Variants in WWOX observed in about 807,000 individuals in gnomAD.
WWOX encodes the protein WW domain containing oxidoreductase.
In WWOX, 69 loss-of-function variants were observed where a neutral mutation model predicts 46.2. That is an observed-to-expected ratio of 1.49 (90% CI 1.23 to 1.82). The LOEUF (loss-of-function observed/expected upper bound fraction) is 1.82. WWOX is among the 40% of genes most tolerant of loss of function. The probability of loss-of-function intolerance (pLI) is 0.00; values close to 1 mark genes in which losing one functional copy is unlikely to be tolerated. For missense variants in WWOX, 919 were observed against 542.6 expected (o/e 1.69, Z -6.89); for synonymous variants, 359 against 202.6 (o/e 1.77, Z -6.56).
At chr16:79,199,624 C>T (rs1358972997) in intron 8 of WWOX, among the ~76,000 whole-genome samples, 2 of 152,130 alleles carry the variant, frequency 1.3e-5, no homozygotes, top group African/African-American at 2.4e-5. Context: ...AATTCTCCAC[C>T]TTGCCACCTA....
At chr16:78,659,683 C>T (rs1197897945) in intron 8 of WWOX, among the ~76,000 whole-genome samples, 1 of 152,128 alleles carries the variant, frequency 6.6e-6, no homozygotes, top group Non-Finnish European at 1.5e-5. Flanking sequence ...TCTAAAGGAG[C>T]CTTTTCCTTC....
At chr16:78,508,607 A>C (rs894845518) in intron 8 of WWOX, among the ~76,000 whole-genome samples, 1 of 152,158 alleles carries the variant, frequency 6.6e-6, no homozygotes, top group Non-Finnish European at 1.5e-5. Context: ...AATTACAGCA[A>C]ATGATTCAGA....
At chr16:79,055,506 T>A (rs542069236) in intron 8 of WWOX, among the ~76,000 whole-genome samples, 3 of 152,064 alleles carry the variant, frequency 2.0e-5, no homozygotes, top group Non-Finnish European at 4.4e-5. Flanking sequence ...ATGGCCAACC[T>A]CCATCCATTG....
chr16:78,829,179 G>A (rs2051745146), intron 8 of WWOX, among the ~76,000 whole-genome samples: 1 of 152,178 alleles, frequency 6.6e-6, no homozygotes, highest in South Asian at 2.1e-4. Context: ...CAGATGGACA[G>A]ATAGAGATTT....
intron 8 of WWOX, among the ~76,000 whole-genome samples, chr16:79,009,887 A>T (rs986079986): frequency 6.6e-6 from 1 of 152,196 alleles, no homozygotes; most frequent in Non-Finnish European, 1.5e-5. Context: ...GTGAGTCCTG[A>T]CCTGAGCTTT....
chr16:79,144,625 A>T (rs1344817356), intron 8 of WWOX, among the ~76,000 whole-genome samples: 1 of 152,062 alleles, frequency 6.6e-6, no homozygotes, highest in Non-Finnish European at 1.5e-5. Context: ...TTTCTTAGGG[A>T]GGAAAAACCC....
intron 8 of WWOX, among the ~76,000 whole-genome samples, chr16:78,841,755 TTTA>T: frequency 6.6e-6 from 1 of 152,348 alleles, no homozygotes; most frequent in African/African-American, 2.4e-5. Context: ...TGTGTACTAT[TTTA>T]TTGTCAATTA....
At chr16:79,065,205 C>T (rs963217712) in intron 8 of WWOX, among the ~76,000 whole-genome samples, 3 of 152,182 alleles carry the variant, frequency 2.0e-5, no homozygotes, top group Non-Finnish European at 4.4e-5. Flanking sequence ...TATAATTGCT[C>T]AATGGGTTCT....
At chr16:78,836,856 G>C (rs2151164169) in intron 8 of WWOX, among the ~76,000 whole-genome samples, 1 of 152,268 alleles carries the variant, frequency 6.6e-6, no homozygotes, top group Middle Eastern at 3.4e-3. Flanking sequence ...GAATCTCTTA[G>C]CATAGGGGGC....
chr16:79,064,400 G>T (rs1283388651), intron 8 of WWOX, among the ~76,000 whole-genome samples: 2 of 152,150 alleles, frequency 1.3e-5, no homozygotes, highest in Non-Finnish European at 2.9e-5. Flanking sequence ...AGACCTAAAG[G>T]TTATTTTGAA....
rs866886473 is a variant in WWOX, at chr16:78,810,654, C to G, written c.1056+377902C>G. On this transcript the variant is annotated intron_variant, in intron 8 of 8. Coordinates refer to ENST00000566780, the MANE Select transcript of WWOX (RefSeq NM_016373.4). ...CTTCCGCTGAACAGGACGTTTGGTT[C>G]TAATTGTTAAGCCTGCCTAATGCTG... Among the ~76,000 whole-genome samples, 4 of 152,250 alleles carry G rather than the reference C, an allele frequency of 2.6e-5. No homozygotes were observed. The South Asian group carries it at 6.2e-4, about 24-fold the overall frequency.
chr16:78,740,199 T>G (rs2049183918), intron 8 of WWOX, among the ~76,000 whole-genome samples: 1 of 152,150 alleles, frequency 6.6e-6, no homozygotes, highest in South Asian at 2.1e-4. Context: ...ACCATCAGCC[T>G]GAAGTTGAAG....
Position 78,108,502 on chromosome 16 carries a change from G to C in WWOX, c.172+15G>C, listed in dbSNP as rs372151545. 6.2e-7 allele frequency: 1 copy of C among 1,613,412 alleles called. No homozygotes were observed. The highest frequency in any genetic ancestry group is 8.5e-7 in the Non-Finnish European group (1 of 1,179,530). ...AGTGGCAGGAGGTTTGTATGTTGTT[G>C]TCTAAGGATCTTGGATGGAAGCATT... On this transcript the variant is annotated intron_variant, in intron 2 of 8. Transcript: ENST00000566780.
At chr16:78,435,799 G>C (rs764322647) in intron 8 of WWOX, among the ~76,000 whole-genome samples, 1 of 152,168 alleles carries the variant, frequency 6.6e-6, no homozygotes, top group Non-Finnish European at 1.5e-5. Flanking sequence ...CATGTCACCA[G>C]CTTTCTGAGC....
intron 5 of WWOX, among the ~76,000 whole-genome samples, chr16:78,174,089 A>G (rs2035252810): frequency 6.6e-6 from 1 of 152,188 alleles, no homozygotes. Flanking sequence ...ATGGGCAATT[A>G]GGGTTTCACC....
chr16:78,568,001 C>A (rs143667136), intron 8 of WWOX, among the ~76,000 whole-genome samples: 2 of 152,172 alleles, frequency 1.3e-5, no homozygotes, highest in Non-Finnish European at 2.9e-5. Flanking sequence ...TCTAGAGCCT[C>A]TGTTCACTAC....
intron 8 of WWOX, among the ~76,000 whole-genome samples, chr16:78,811,071 C>A (rs2051175936): frequency 6.6e-6 from 1 of 152,110 alleles, no homozygotes; most frequent in Non-Finnish European, 1.5e-5. Flanking sequence ...AGCAGTGTGC[C>A]AGTAAGACAA....
At chr16:78,678,679 T>C (rs1239336358) in intron 8 of WWOX, among the ~76,000 whole-genome samples, 3 of 152,044 alleles carry the variant, frequency 2.0e-5, no homozygotes, top group Non-Finnish European at 4.4e-5. Flanking sequence ...ATGAGTAAGA[T>C]TGGGTCTGAG....
chr16:78,814,139 G>T (rs1232506495), intron 8 of WWOX, among the ~76,000 whole-genome samples: 1 of 152,186 alleles, frequency 6.6e-6, no homozygotes, highest in East Asian at 1.9e-4. Flanking sequence ...ACAGAACCCG[G>T]CCAGATCCTC....
Sources: gnomAD v4.1 joint callset for allele counts (sites outside exome capture counted in the v4.1 genomes callset) on GRCh38, gnomAD v4.1.1 for gene constraint, MANE v1.5 for transcripts, NCBI Gene and HGNC (gene_info 2026-07-23, HGNC 2026-07-21) for gene names.